The following CNTLN variants were observed in gnomAD, a reference collection of about 807,000 sequenced individuals.
The protein encoded by CNTLN is centlein, also known as centlein, centrosomal protein.
In CNTLN, 212 loss-of-function variants were observed where a neutral mutation model predicts 180.0. That is an observed-to-expected ratio of 1.18 (90% confidence interval 1.05 to 1.32). The LOEUF is 1.32. Ranked by LOEUF, CNTLN falls within the 40% of genes most tolerant of loss-of-function variation. CNTLN has a pLI of 0.00. For synonymous variants in CNTLN, 722 were observed against 563.1 expected, an observed-to-expected ratio of 1.28 and a Z score of -3.99; for missense variants, 2,095 against 1,610.9, an observed-to-expected ratio of 1.30 and a Z score of -5.14.
chr9:17,309,670 T>A (rs1161664013), intron 8 of CNTLN, among the ~76,000 whole-genome samples: 1 of 44,728 alleles, frequency 2.2e-5, no homozygotes, highest in Non-Finnish European at 6.1e-5. Flanking sequence ...ACCACTACCT[T>A]GATAACATGA....
chr9:17,215,995 C>T (rs1370951190), intron 2 of CNTLN, among the ~76,000 whole-genome samples: 1 of 152,158 alleles, frequency 6.6e-6, no homozygotes, highest in African/African-American at 2.4e-5. Context: ...ACCCCTTACA[C>T]TTCCCGGGTG....
intron 13 of CNTLN, among the ~76,000 whole-genome samples, chr9:17,370,075 G>C (rs1179178347): frequency 2.6e-5 from 4 of 151,596 alleles, no homozygotes; most frequent in Non-Finnish European, 5.9e-5. Flanking sequence ...AGCCTCAAAA[G>C]GGAAAATGTA....
the CNTLN span, among the ~76,000 whole-genome samples, chr9:17,523,886 C>A: frequency 6.6e-6 from 1 of 152,184 alleles, no homozygotes; most frequent in South Asian, 2.1e-4. Flanking sequence ...ACATATTCCT[C>A]CATTACAGGG....
intron 12 of CNTLN, among the ~76,000 whole-genome samples, chr9:17,352,412 ATATATTT>A (rs1822450787): frequency 6.3e-5 from 1 of 15,810 alleles, no homozygotes; most frequent in Non-Finnish European, 1.8e-4. Flanking sequence ...ATATATATAT[ATATATTT>A]TTTTTTTTTT....
At chr9:17,192,967 G>T (rs1342075141) in intron 2 of CNTLN, among the ~76,000 whole-genome samples, 1 of 152,076 alleles carries the variant, frequency 6.6e-6, no homozygotes, top group East Asian at 1.9e-4. Context: ...GAGGCAAAAG[G>T]CACTTCTTAC....
intron 18 of CNTLN, among the ~76,000 whole-genome samples, chr9:17,431,354 A>C (rs1829409239): frequency 1.3e-5 from 2 of 151,954 alleles, no homozygotes; most frequent in Admixed American, 1.3e-4. Context: ...GTCTTTTTTT[A>C]GAGAAATGTC....
At chr9:17,237,354 TACACACACACACACACACACACACAC>T (rs59168012) in intron 5 of CNTLN, among the ~76,000 whole-genome samples, 43 of 106,488 alleles carry the variant, frequency 4.0e-4, no homozygotes, top group African/African-American at 1.4e-3. Context: ...TATATGCCCC[TACACACACACACACACACACACACAC>T]ACACACACAC....
At chr9:17,525,958 CAG>C in the CNTLN span, among the ~76,000 whole-genome samples, 1 of 151,662 alleles carries the variant, frequency 6.6e-6, no homozygotes, top group African/African-American at 2.4e-5. Context: ...TTTTTTGAGA[CAG>C]AGTCTTGCTC....
chr9:17,207,873 T>A (rs1823036301), intron 2 of CNTLN, among the ~76,000 whole-genome samples: 1 of 152,166 alleles, frequency 6.6e-6, no homozygotes, highest in African/African-American at 2.4e-5. Flanking sequence ...TGTGGAGTCT[T>A]TAGGTTTTTC....
chr9:17,298,501 A>T, intron 7 of CNTLN, 149 bp downstream of exon 7: 3 of 1,326,634 alleles, frequency 2.3e-6, no homozygotes, highest in Non-Finnish European at 2.9e-6. Context: ...GGATGGTTCA[A>T]TTTGATAACA....
intron 2 of CNTLN, among the ~76,000 whole-genome samples, chr9:17,144,126 T>G (rs1818287123): frequency 6.6e-6 from 1 of 152,188 alleles, no homozygotes; most frequent in Non-Finnish European, 1.5e-5. Flanking sequence ...TTTTTATTAC[T>G]TGAATTATAT....
intron 14 of CNTLN, among the ~76,000 whole-genome samples, chr9:17,391,171 G>A (rs1183096367): frequency 6.6e-6 from 1 of 152,158 alleles, no homozygotes; most frequent in Non-Finnish European, 1.5e-5. Flanking sequence ...TATGGTAATA[G>A]GCTAAGGAGG....
intron 13 of CNTLN, among the ~76,000 whole-genome samples, chr9:17,377,752 T>C (rs149853127): frequency 7.2e-5 from 11 of 152,318 alleles, no homozygotes; most frequent in Non-Finnish European, 1.3e-4. Context: ...CAGTGGTTGC[T>C]GTGAGGATGT....
chr9:17,330,821 T>C lies in CNTLN; in HGVS notation c.1518+13T>C. 2 of 1,587,618 alleles carry C rather than the reference T, an allele frequency of 1.3e-6. No homozygotes were observed. The highest frequency in any genetic ancestry group is 2.7e-5 in the African/African-American group (2 of 73,338). On this transcript the variant is annotated intron_variant, in intron 9 of 25. Transcript: ENST00000380647. ...AGGAAAACATAAGGTAGGGACATTT[T>C]GTCATTTTGTGAATTTGCCAGGATG...
chr9:17,246,669 T>C (rs1243447545), intron 5 of CNTLN, among the ~76,000 whole-genome samples: 1 of 152,166 alleles, frequency 6.6e-6, no homozygotes, highest in Non-Finnish European at 1.5e-5. Flanking sequence ...AGAGAAGCCA[T>C]CCGGGAGTCA....
chr9:17,360,075 A>G (rs1823239940), intron 12 of CNTLN, among the ~76,000 whole-genome samples: 1 of 152,194 alleles, frequency 6.6e-6, no homozygotes, highest in African/African-American at 2.4e-5. Flanking sequence ...GTATGTTGCA[A>G]TATAGATATC....
intron 2 of CNTLN, among the ~76,000 whole-genome samples, chr9:17,208,252 G>A (rs567015578): frequency 1.3e-5 from 2 of 152,222 alleles, no homozygotes; most frequent in East Asian, 3.9e-4. Context: ...GCTTTATTAT[G>A]TTGATAGGAT....
intron 12 of CNTLN, among the ~76,000 whole-genome samples, chr9:17,357,001 C>T (rs10810775): frequency 0.59 from 88,951 of 151,740 alleles, 26,370 homozygotes; most frequent in East Asian, 0.73. Context: ...TGTATATATA[C>T]ATATTTGTTT....
chr9:17,523,331 G>T, the CNTLN span, among the ~76,000 whole-genome samples: 1 of 152,110 alleles, frequency 6.6e-6, no homozygotes, highest in Non-Finnish European at 1.5e-5. Flanking sequence ...CCGCGTCCTG[G>T]TTCAAGCGAT....
Sources: allele counts gnomAD v4.1 joint callset (sites outside exome capture counted in the v4.1 genomes callset), GRCh38; gene constraint gnomAD v4.1.1; transcripts MANE v1.5; gene names NCBI Gene and HGNC (gene_info 2026-07-23, HGNC 2026-07-21).